Variants in MYH2 observed in about 807,000 individuals in gnomAD.
The protein encoded by MYH2 is myosin heavy chain 2, also known as myosin-2.
A neutral mutation model predicts 228.1 loss-of-function variants in MYH2; 139 were observed. The observed-to-expected ratio is 0.61, with a 90% CI of 0.53 to 0.70. The LOEUF is 0.70. Ranked by LOEUF, MYH2 falls within the 30% of genes least tolerant of loss-of-function variation. The pLI is 0.00. For synonymous variants in MYH2, 796 were observed against 871.1 expected, an observed-to-expected ratio of 0.91 and a Z score of 1.52; for missense variants, 1,809 against 2,357.5, an observed-to-expected ratio of 0.77 and a Z score of 4.82.
chr17:10,538,345 T>C lies in MYH2; in HGVS notation c.1417-510A>G, dbSNP rs116161934. On this transcript the variant is annotated intron_variant, in intron 14 of 39. Coordinates refer to ENST00000245503, the MANE Select transcript of MYH2 (RefSeq NM_017534.6). ...AAAAAGATCAAGATACCAAGTATTA[T>C]ATAAAGTATGACAATATACATTTGT... Among the ~76,000 whole-genome samples the C allele has an allele frequency of 5.1e-3, 776 of 152,044 alleles. 9 individuals carry two copies. The highest frequency in any genetic ancestry group is 0.018 in the African/African-American group (739 of 41,458).
chr17:10,543,052 A>C lies in MYH2; in HGVS notation c.805+46T>G, dbSNP rs368012001. 6.3e-6 allele frequency: 10 copies of C among 1,591,216 alleles called. No individual in the cohort carries two copies. The African/African-American group carries it at 1.3e-4, about 21-fold the overall frequency. ...GAATTTGATTTTTGGTCAGTTTTTT[A>C]GGTCATATGAATCAGAAATGATTTT... is the stretch of plus-strand genomic sequence containing the variant. On this transcript the variant is annotated intron_variant, in intron 9 of 39. Transcript: ENST00000245503.
rs1428727166 is a variant in MYH2, at chr17:10,540,034, T to C, written c.1041A>G (p.Glu347=). The change falls in exon 12 of 40, where the codon GAA becomes GAG. Residue 347 remains glutamate, a synonymous_variant. Transcript: ENST00000245503. The part of the protein sequence containing the change: ...SAIDILGFTN[E]EKVSIYKLTG... ...TGAGCTTGTAAATGGAGACCTTTTC[T>C]TCATTAGTAAAGCCCAAAATATCAA... 6.2e-7 allele frequency: 1 copy of C among 1,613,970 alleles called. No individual in the cohort carries two copies. The highest frequency in any genetic ancestry group is 1.7e-5 in the Admixed American group (1 of 59,990).
intron 11 of MYH2, 118 bp from the exon 12 acceptor site, chr17:10,540,184 C>A (rs1443423414): frequency 7.2e-7 from 1 of 1,391,536 alleles, no homozygotes; most frequent in Non-Finnish European, 1.0e-6. Context: ...GACAAGGAAC[C>A]CCTTAGATTG....
At chr17:10,544,070 C>G (rs1451491845) in intron 6 of MYH2, 30 bp downstream of exon 6, 1 of 1,614,124 alleles carries the variant, frequency 6.2e-7, no homozygotes, top group Non-Finnish European at 8.5e-7. Flanking sequence ...GCTATCACAG[C>G]CATGTAAAGA....
At chr17:10,531,153 G>A (rs1055771952) in intron 22 of MYH2, among the ~76,000 whole-genome samples, 12 of 152,184 alleles carry the variant, frequency 7.9e-5, no homozygotes, top group African/African-American at 2.9e-4. Flanking sequence ...GAGGGAGTCT[G>A]AGTTTTTGAG....
Position 10,523,107 on chromosome 17 carries a change from T to C in MYH2, c.5656A>G (p.Arg1886Gly), listed in dbSNP as rs770991174. The C allele has an allele frequency of 3.7e-6, 6 of 1,612,440 alleles. No individual in the cohort carries two copies. Among genetic ancestry groups the C allele is most frequent in the Non-Finnish European group, 5.1e-6 (6 of 1,178,542 alleles). Residue 1886 changes from arginine to glycine, a missense_variant, in exon 39 of 40, where the codon AGA (arginine) becomes GGA (glycine). By Grantham distance (125) the Arg-to-Gly change is moderately radical. Coordinates refer to ENST00000245503, the MANE Select transcript of MYH2 (RefSeq NM_017534.6). ...KLQAKVKSYK[R>G]QAEEAEEQSN... ...ATACTTACAGCCTCCTCAGCTTGTC[T>C]CTTATAAGATTTCACTTTTGCCTGA...
chr17:10,533,675 A>G (rs781764236), intron 19 of MYH2, 43 bp from the exon 20 acceptor site: 8 of 1,603,850 alleles, frequency 5.0e-6, no homozygotes, highest in Non-Finnish European at 6.8e-6. Context: ...TTTACTGATG[A>G]CACAAATGCT....
intron 7 of MYH2, 48 bp from the exon 8 acceptor site, chr17:10,543,851 A>G: frequency 6.2e-7 from 1 of 1,613,920 alleles, no homozygotes; most frequent in South Asian, 1.1e-5. Flanking sequence ...GGAATTTCCT[A>G]CCTGAGAGTC....
intron 14 of MYH2, among the ~76,000 whole-genome samples, chr17:10,538,230 A>G (rs2073505936): frequency 6.6e-6 from 1 of 151,952 alleles, no homozygotes; most frequent in Non-Finnish European, 1.5e-5. Context: ...GGCTGGGAGG[A>G]GTCTATCTTG....
intron 39 of MYH2, among the ~76,000 whole-genome samples, chr17:10,522,333 A>T (rs2073294179): frequency 6.6e-6 from 1 of 152,286 alleles, no homozygotes; most frequent in East Asian, 1.9e-4. Context: ...TTTATATTAA[A>T]AAATAATCCT....
intron 30 of MYH2, 104 bp downstream of exon 30, chr17:10,526,495 A>G (rs1567728434): frequency 1.3e-6 from 2 of 1,552,720 alleles, no homozygotes; most frequent in South Asian, 1.1e-5. Flanking sequence ...ATAAAAGCAG[A>G]TTAATGAGCA....
Position 10,543,779 on chromosome 17 carries a change from T to C in MYH2, c.673A>G (p.Ser225Gly). 6.2e-7 allele frequency: 1 copy of C among 1,614,216 alleles called. No homozygotes were observed. The highest frequency in any genetic ancestry group is 8.5e-7 in the Non-Finnish European group (1 of 1,180,026). The change falls in exon 8 of 40, where the codon AGT becomes GGT. Residue 225 changes from serine (S) to glycine (G), a missense_variant. Ser to Gly is a moderately conservative substitution (Grantham distance 56, BLOSUM62 0). Transcript: ENST00000245503. ...IQGTLEDQII[S>G]ANPLLEAFGN... ...AAGGCCTCCAGTAGGGGGTTGGCAC[T>C]GATGATTTGATCTTCCAGAGTCCCC...
intron 10 of MYH2, among the ~76,000 whole-genome samples, chr17:10,541,062 A>G (rs998065976): frequency 6.6e-6 from 1 of 152,184 alleles, no homozygotes; most frequent in African/African-American, 2.4e-5. Context: ...ATGTTGCCTC[A>G]GGACCCTGTG....
Position 10,537,227 on chromosome 17 carries a change from C to T in MYH2, c.1897+6G>A. The T allele has an allele frequency of 6.2e-7, 1 of 1,614,152 alleles. No individual in the cohort carries two copies. Among genetic ancestry groups the T allele is most frequent in the African/African-American group, 1.3e-5 (1 of 75,064 alleles). ...CTAGAGAGTATTATTAACATTTGAGCATTACCTCCTTCAGCAGTTTGAGCC... is the reference window on the plus strand; with the variant it reads ...CTAGAGAGTATTATTAACATTTGAGTATTACCTCCTTCAGCAGTTTGAGCC... On this transcript the variant is annotated splice_donor_region_variant and intron_variant, in intron 16 of 39. Transcript: ENST00000245503. This position sits in a 1 kb window ranked among gnomAD's most constrained non-coding sequence, Gnocchi z 4.0.
At chr17:10,541,332 CTCTAAA>C (rs2073551444) in intron 10 of MYH2, among the ~76,000 whole-genome samples, 1 of 152,144 alleles carries the variant, frequency 6.6e-6, no homozygotes, top group African/African-American at 2.4e-5. Flanking sequence ...AGGGGGAGGT[CTCTAAA>C]ATGGCTGCTC....
chr17:10,543,053 G>C, intron 9 of MYH2, 45 bp downstream of exon 9: 3 of 1,590,726 alleles, frequency 1.9e-6, no homozygotes, highest in Non-Finnish European at 8.6e-7. Context: ...CAGTTTTTTA[G>C]GTCATATGAA....
chr17:10,545,483 C>T lies in MYH2; in HGVS notation c.368G>A (p.Cys123Tyr). 1 of 1,614,164 alleles carries T rather than the reference C, an allele frequency of 6.2e-7. No homozygotes were observed. Among genetic ancestry groups the T allele is most frequent in the Non-Finnish European group, 8.5e-7 (1 of 1,180,008 alleles). Residue 123 changes from cysteine (C) to tyrosine (Y), a missense_variant, in exon 5 of 40, where the codon TGT (cysteine) becomes TAT (tyrosine). Transcript: ENST00000245503. ...CCACTTGTAGGGGTTGACAGTGACACAGAAGAGACCTGAATAGGTCTATGA... is the reference window on the plus strand; with the variant it reads ...CCACTTGTAGGGGTTGACAGTGACATAGAAGAGACCTGAATAGGTCTATGA... ...WMIYTYSGLF[C>Y]VTVNPYKWLP...
At position 10,523,373 on chromosome 17, in the gene MYH2, G is replaced by T. The variant is rs368695212; in HGVS notation, c.5512C>A (p.Arg1838Ser). 1 of 1,614,140 alleles carries T rather than the reference G, an allele frequency of 6.2e-7. No individual in the cohort carries two copies. The change falls in exon 38 of 40, where the codon CGT becomes AGT. Residue 1838 changes from arginine to serine, a missense_variant. Physicochemically the swap from Arg to Ser is moderately radical, Grantham distance 110. This residue lies in a region of MYH2 where 278 missense variants were observed against 308.5 expected (regional missense o/e 0.90). Transcript: ENST00000245503. Reference sequence around the variant, plus strand: ...AGACCTTTGACAGCCTCAGCATTACGCTTTTGCTCACTCTCAACCTCTCCT... The same window carrying T: ...AGACCTTTGACAGCCTCAGCATTACTCTTTTGCTCACTCTCAACCTCTCCT... ...LEGEVESEQK[R>S]NAEAVKGLRK...
chr17:10,546,928 C>T (rs57731810), intron 4 of MYH2, among the ~76,000 whole-genome samples: 13,649 of 126,568 alleles, frequency 0.11, 1,216 homozygotes, highest in East Asian at 0.55. Context: ...AAAAAAAATA[C>T]GAAAAAAAAA....
Sources: gnomAD v4.1 joint callset for allele counts (sites outside exome capture counted in the v4.1 genomes callset) on GRCh38, gnomAD v4.1.1 for gene constraint, gnomAD v4.1.1 regional missense constraint, Gnocchi (gnomAD v3.1) non-coding constraint, MANE v1.5 for transcripts, NCBI Gene and HGNC (gene_info 2026-07-23, HGNC 2026-07-21) for gene names.